Variants in FNDC7 observed in about 807,000 individuals in gnomAD.
FNDC7 encodes fibronectin type III domain containing 7.
FNDC7 carries 66 observed loss-of-function variants against 74.2 expected under a neutral mutation model. That is an observed-to-expected ratio of 0.89 (90% CI 0.73 to 1.09). The LOEUF is 1.09. Among genes scored for constraint, FNDC7 ranks in the 50% least tolerant of loss-of-function variants. The pLI, the probability that FNDC7 is intolerant of heterozygous loss-of-function variation, is 0.00. For missense variants in FNDC7, 829 were observed against 893.4 expected, an observed-to-expected ratio of 0.93 and a Z score of 0.92; for synonymous variants, 307 against 330.2, an observed-to-expected ratio of 0.93 and a Z score of 0.76.
intron 2 of FNDC7, among the ~76,000 whole-genome samples, chr1:108,713,900 C>T (rs182365924): frequency 3.9e-5 from 6 of 152,046 alleles, no homozygotes; most frequent in East Asian, 3.9e-4. Flanking sequence ...GTTTATCTTC[C>T]GGGGAATTAG....
At chr1:108,729,426 A>G (rs576150094) in intron 8 of FNDC7, among the ~76,000 whole-genome samples, 11 of 152,242 alleles carry the variant, frequency 7.2e-5, no homozygotes, top group African/African-American at 2.6e-4. Context: ...GTGGGCACCT[A>G]TAGTCCTGGC....
In FNDC7 at chr1:108,741,805, C is replaced by A. The variant is rs894879911; in HGVS notation, c.*1C>A. On this transcript the variant is annotated 3_prime_UTR_variant, in exon 12 of 13. Coordinates refer to ENST00000370017, the MANE Select transcript of FNDC7 (RefSeq NM_001144937.3). Reference sequence around the variant, plus strand: ...TAGAGGGAAGAGAAATGAAGAATGACAAAGTGAGCCCCAGATAAAAACAAA... The same window carrying A: ...TAGAGGGAAGAGAAATGAAGAATGAAAAAGTGAGCCCCAGATAAAAACAAA... 6.2e-7 allele frequency: 1 copy of A among 1,613,650 alleles called. No homozygotes were observed. The highest frequency in any genetic ancestry group is 1.3e-5 in the African/African-American group (1 of 74,922).
chr1:108,728,255 T>C (rs1323519061), intron 7 of FNDC7, among the ~76,000 whole-genome samples, 190 bp downstream of exon 7: 1 of 151,872 alleles, frequency 6.6e-6, no homozygotes, highest in Non-Finnish European at 1.5e-5. Flanking sequence ...GTGGAAAAAA[T>C]GAAAACAAAA....
At chr1:108,735,830 G>C (rs958795948) in intron 10 of FNDC7, among the ~76,000 whole-genome samples, 8 of 152,010 alleles carry the variant, frequency 5.3e-5, no homozygotes, top group Non-Finnish European at 1.2e-4. Flanking sequence ...TATTGAGAAA[G>C]GGTCTTGCTT....
intron 2 of FNDC7, among the ~76,000 whole-genome samples, chr1:108,715,590 G>A (rs1205412139): frequency 1.3e-5 from 2 of 152,120 alleles, no homozygotes; most frequent in Non-Finnish European, 2.9e-5. Flanking sequence ...CCATGGCAGC[G>A]CCATATGGTC....
intron 2 of FNDC7, among the ~76,000 whole-genome samples, chr1:108,714,673 C>T (rs1366950755): frequency 7.5e-6 from 1 of 133,564 alleles, no homozygotes; most frequent in African/African-American, 2.7e-5. Flanking sequence ...GGTGCAATCT[C>T]GGTTCACTGC....
chr1:108,728,015 A>G lies in FNDC7; in HGVS notation c.1319A>G (p.Asn440Ser), dbSNP rs538763690. The change falls in exon 7 of 13, where the codon AAT becomes AGT. Residue 440 changes from asparagine (N) to serine (S), a missense_variant. By Grantham distance (46) the Asn-to-Ser change is conservative. Coordinates refer to ENST00000370017, the MANE Select transcript of FNDC7 (RefSeq NM_001144937.3). Reference sequence around the variant, plus strand: ...TACAACATCACAGTGTATTCATTCAATGAAGTCCGAGGCAGCAATATGTCA... The same window carrying G: ...TACAACATCACAGTGTATTCATTCAGTGAAGTCCGAGGCAGCAATATGTCA... ...TKYNITVYSF[N>S]EVRGSNMSCT... 1.1e-4 allele frequency: 171 copies of G among 1,614,190 alleles called. 1 individual carries two copies. The South Asian group carries it at 1.5e-3, about 15-fold the overall frequency.
At position 108,733,320 on chromosome 1, in the gene FNDC7, G is replaced by A; in HGVS notation, c.1928G>A (p.Gly643Asp). 2.5e-6 allele frequency: 4 copies of A among 1,614,108 alleles called. No individual in the cohort carries two copies. Among genetic ancestry groups the A allele is most frequent in the Non-Finnish European group, 3.4e-6 (4 of 1,180,020 alleles). The part of the protein sequence containing the change: ...GVKLYRLGPN[G>D]IRIYWQASRG... The stretch of plus-strand genomic sequence containing the variant: ...AAATTATATAGGCTGGGCCCTAATG[G>A]CATCCGGATCTACTGGCAAGCCTCC... Residue 643 changes from glycine (G) to aspartate (D), a missense_variant, in exon 10 of 13, where the codon GGC becomes GAC. By Grantham distance (94) the Gly-to-Asp change is moderately conservative (BLOSUM62 -1). Transcript: ENST00000370017.
At chr1:108,737,430 A>G (rs1436518389) in intron 10 of FNDC7, 65 bp from the exon 11 acceptor site, 2 of 1,381,238 alleles carry the variant, frequency 1.4e-6, no homozygotes, top group Non-Finnish European at 2.0e-6. Flanking sequence ...CTTAAGTTAA[A>G]TCTTCACTAT....
chr1:108,727,906 A>G lies in FNDC7; in HGVS notation c.1210A>G (p.Lys404Glu). 1 of 1,614,174 alleles carries G rather than the reference A, an allele frequency of 6.2e-7. No homozygotes were observed. The change falls in exon 7 of 13, where the codon AAG becomes GAG. Residue 404 changes from lysine (K) to glutamate (E), a missense_variant. Transcript: ENST00000370017. ...CCGTGGTGCCGAACTGTATGAAACC[A>G]AGGCTGTAGATGGGTACAACATGGT... is the stretch of plus-strand genomic sequence containing the variant. ...PVRGAELYET[K>E]AVDGYNMVEC...
chr1:108,726,378 C>A (rs994752295), intron 6 of FNDC7, among the ~76,000 whole-genome samples: 9 of 152,208 alleles, frequency 5.9e-5, no homozygotes, highest in Admixed American at 5.9e-4. Flanking sequence ...CATACAATGG[C>A]CAAGACGCTA....
chr1:108,733,649 CTTTTTTTTTTTT>C, intron 10 of FNDC7, 117 bp downstream of exon 10: 3 of 612,890 alleles, frequency 4.9e-6, no homozygotes, highest in Non-Finnish European at 2.4e-6. Flanking sequence ...AAATTTCTTT[CTTTTTTTTTTTT>C]TTTTTTTTTG....
At chr1:108,737,968 T>C (rs1328704310) in intron 11 of FNDC7, among the ~76,000 whole-genome samples, 1 of 152,250 alleles carries the variant, frequency 6.6e-6, no homozygotes, top group Non-Finnish European at 1.5e-5. Context: ...GATTCTGAAG[T>C]ATAGCCAAGG....
At chr1:108,723,689 C>G (rs1041180967) in intron 5 of FNDC7, among the ~76,000 whole-genome samples, 1 of 152,154 alleles carries the variant, frequency 6.6e-6, no homozygotes, top group Non-Finnish European at 1.5e-5. Flanking sequence ...AAAAGCATAG[C>G]AGTTCTGAGT....
intron 9 of FNDC7, 56 bp downstream of exon 9, chr1:108,730,984 G>A (rs992526667): frequency 1.8e-5 from 27 of 1,514,280 alleles, no homozygotes; most frequent in Middle Eastern, 1.8e-4. Flanking sequence ...ATCAATCCAG[G>A]CATGAGCCTT....
chr1:108,722,299 C>A, intron 4 of FNDC7, 36 bp from the exon 5 acceptor site: 1 of 1,519,030 alleles, frequency 6.6e-7, no homozygotes, highest in Non-Finnish European at 8.8e-7. Context: ...GTTTGTAAGG[C>A]TACTACAAAA....
rs145753910 is a variant in FNDC7, at chr1:108,716,407, A to T, written c.83-1370A>T. ...GAGGGAGCCCCTGCTGGGGCTTTCT[A>T]TTCTGTAGGGGAGAGAGGGAGCGAA... On this transcript the variant is annotated intron_variant, in intron 2 of 12. Coordinates refer to ENST00000370017, the MANE Select transcript of FNDC7 (RefSeq NM_001144937.3). Among the ~76,000 whole-genome samples, 404 of 145,054 alleles carry T rather than the reference A, an allele frequency of 2.8e-3. 2 individuals carry two copies. The highest frequency in any genetic ancestry group is 9.2e-3 in the African/African-American group (353 of 38,424).
At chr1:108,716,061 G>C (rs2101076022) in intron 2 of FNDC7, among the ~76,000 whole-genome samples, 1 of 152,282 alleles carries the variant, frequency 6.6e-6, no homozygotes, top group Admixed American at 6.5e-5. Flanking sequence ...CAGGCCTGTG[G>C]GGAGAGGGTC....
chr1:108,727,937 G>T lies in FNDC7; in HGVS notation c.1241G>T (p.Cys414Phe), dbSNP rs1661254023. ...GTAGATGGGTACAACATGGTTGAGT[G>T]CAATGACACTACTCCTGCGTGCACC... is the stretch of plus-strand genomic sequence containing the variant. ...KAVDGYNMVE[C>F]NDTTPACTLS... The change falls in exon 7 of 13, where the codon TGC (cysteine) becomes TTC (phenylalanine). Residue 414 changes from cysteine (C) to phenylalanine (F), a missense_variant. By Grantham distance (205) the Cys-to-Phe change is radical. Transcript: ENST00000370017. The T allele has an allele frequency of 6.2e-7, 1 of 1,614,182 alleles. No homozygotes were observed. Among genetic ancestry groups the T allele is most frequent in the East Asian group, 2.2e-5 (1 of 44,884 alleles).
Sources: allele counts gnomAD v4.1 joint callset (sites outside exome capture counted in the v4.1 genomes callset), GRCh38; gene constraint gnomAD v4.1.1; transcripts MANE v1.5; gene names NCBI Gene and HGNC (gene_info 2026-07-23, HGNC 2026-07-21).